The following IRAG1 variants were observed in gnomAD, a reference collection of about 807,000 sequenced individuals.
IRAG1 encodes the protein inositol 1,4,5-triphosphate receptor associated 1, also known as IP3R-associated cGMP kinase substrate.
A neutral mutation model predicts 106.2 loss-of-function variants in IRAG1; 62 were observed. The observed-to-expected ratio is 0.58, with a 90% CI of 0.48 to 0.72. The LOEUF (loss-of-function observed/expected upper bound fraction) is 0.72, where lower values mean the gene tolerates loss of function less well. IRAG1 is among the 30% of genes least tolerant of loss of function. The pLI, the probability that IRAG1 is intolerant of heterozygous loss-of-function variation, is 0.00. For missense variants in IRAG1, 1,064 were observed against 1,140.7 expected, an observed-to-expected ratio of 0.93 and a Z score of 0.97; for synonymous variants, 462 against 443.9, an observed-to-expected ratio of 1.04 and a Z score of -0.51.
rs561020408 is a variant in IRAG1, at chr11:10,639,483, G to A, written c.226-5412C>T. ...CAGACTCTGAGAAGGCTCGCCTTACGGAACTGTTCAACAGAAAGAAAACCA... is the reference window on the plus strand; with the variant it reads ...CAGACTCTGAGAAGGCTCGCCTTACAGAACTGTTCAACAGAAAGAAAACCA... On this transcript the variant is annotated intron_variant, in intron 2 of 20. Coordinates refer to ENST00000423302, the MANE Select transcript of IRAG1 (RefSeq NM_130385.4). Among the ~76,000 whole-genome samples the A allele has an allele frequency of 1.2e-4, 19 of 152,242 alleles. 1 individual carries two copies. The East Asian group carries it at 1.7e-3, about 14-fold the overall frequency.
At chr11:10,589,658 G>A (rs955662857) in intron 18 of IRAG1, among the ~76,000 whole-genome samples, 6 of 152,150 alleles carry the variant, frequency 3.9e-5, no homozygotes, top group Non-Finnish European at 5.9e-5. Flanking sequence ...TTCCTCTAAA[G>A]ATGCCCTCAC....
chr11:10,680,860 G>A lies in IRAG1; in HGVS notation c.67+12676C>T, dbSNP rs149735910. On this transcript the variant is annotated intron_variant, in intron 1 of 20. Transcript: ENST00000423302. Reference sequence around the variant, plus strand: ...TCTAATAAGGTCCTTGGGGCCGGGCGGGTTAGAGGGGGCAGTGAGAGGGAT... The same window carrying A: ...TCTAATAAGGTCCTTGGGGCCGGGCAGGTTAGAGGGGGCAGTGAGAGGGAT... Among the ~76,000 whole-genome samples the A allele has an allele frequency of 2.6e-3, 400 of 152,252 alleles. 2 individuals are homozygous for A. The highest frequency in any genetic ancestry group is 9.0e-3 in the African/African-American group (372 of 41,522).
At chr11:10,616,376 C>T (rs1418354144) in intron 10 of IRAG1, among the ~76,000 whole-genome samples, 3 of 151,634 alleles carry the variant, frequency 2.0e-5, no homozygotes, top group Admixed American at 2.0e-4. Context: ...TACACTAAAA[C>T]ATAGTGACAG....
intron 1 of IRAG1, among the ~76,000 whole-genome samples, chr11:10,676,611 G>A (rs1860696787): frequency 6.6e-6 from 1 of 152,186 alleles, no homozygotes; most frequent in African/African-American, 2.4e-5. Context: ...TTGCTGAAAG[G>A]AGAGGCTGGG....
intron 18 of IRAG1, among the ~76,000 whole-genome samples, chr11:10,585,461 G>C (rs1362845398): frequency 1.3e-4 from 20 of 151,422 alleles, no homozygotes. Context: ...GGAAACCAAG[G>C]CTCAAAAAGT....
At chr11:10,668,758 C>T (rs1452511870) in intron 1 of IRAG1, among the ~76,000 whole-genome samples, 2 of 152,210 alleles carry the variant, frequency 1.3e-5, no homozygotes, top group African/African-American at 4.8e-5. Context: ...AAGTCTTTCT[C>T]ATCTTTGTAT....
At chr11:10,623,588 G>T (rs1398939408) in intron 10 of IRAG1, among the ~76,000 whole-genome samples, 190 bp downstream of exon 10, 1 of 152,220 alleles carries the variant, frequency 6.6e-6, no homozygotes, top group Non-Finnish European at 1.5e-5. Context: ...AGCGAGGCCT[G>T]GGGGCTGGTT....
At chr11:10,588,262 ATGT>A (rs987254712) in intron 18 of IRAG1, among the ~76,000 whole-genome samples, 13 of 152,356 alleles carry the variant, frequency 8.5e-5, no homozygotes, top group African/African-American at 2.9e-4. Flanking sequence ...AAAGCCTGGA[ATGT>A]TGTTAACCTC....
chr11:10,619,769 G>GA (rs1296240134), intron 10 of IRAG1, among the ~76,000 whole-genome samples: 1 of 152,194 alleles, frequency 6.6e-6, no homozygotes, highest in Admixed American at 6.5e-5. Flanking sequence ...GAGAGAATTA[G>GA]AACCTTGACC....
intron 1 of IRAG1, among the ~76,000 whole-genome samples, chr11:10,685,489 G>A (rs1861601909): frequency 6.6e-6 from 1 of 151,576 alleles, no homozygotes; most frequent in South Asian, 2.1e-4. Flanking sequence ...TGAGGCAAGA[G>A]TATCACTTGA....
chr11:10,687,314 G>A (rs939830012), intron 1 of IRAG1, among the ~76,000 whole-genome samples: 1 of 152,232 alleles, frequency 6.6e-6, no homozygotes, highest in Non-Finnish European at 1.5e-5. Context: ...CTGATGGTGA[G>A]TTCTGAGAAG....
chr11:10,674,640 C>T (rs770922434), intron 1 of IRAG1, among the ~76,000 whole-genome samples: 1 of 152,226 alleles, frequency 6.6e-6, no homozygotes, highest in African/African-American at 2.4e-5. Context: ...CCAGACCTGG[C>T]GACCTGGCCC....
At position 10,626,578 on chromosome 11, in the gene IRAG1, G is replaced by A. The variant is rs1856259786; in HGVS notation, c.756C>T (p.Val252=). The A allele has an allele frequency of 6.3e-7, 1 of 1,599,180 alleles. No individual in the cohort carries two copies. The highest frequency in any genetic ancestry group is 8.5e-7 in the Non-Finnish European group (1 of 1,171,386). Residue 252 remains valine, a synonymous_variant, in exon 9 of 21, where the codon GTC becomes GTT. Coordinates refer to ENST00000423302, the MANE Select transcript of IRAG1 (RefSeq NM_130385.4). ...GCTTCCTGTCAGCTAGCCCTTTGGGGACGTTCTGAAAAAGACAAGGTAGAG... is the reference window on the plus strand; with the variant it reads ...GCTTCCTGTCAGCTAGCCCTTTGGGAACGTTCTGAAAAAGACAAGGTAGAG... ...VSSPHPGEPN[V]PKGLADRKQN...
At chr11:10,692,706 G>A (rs528067888) in intron 1 of IRAG1, among the ~76,000 whole-genome samples, 1 of 152,338 alleles carries the variant, frequency 6.6e-6, no homozygotes, top group African/African-American at 2.4e-5. Flanking sequence ...AGGCTGGAGT[G>A]CTGGCCAGGG....
rs1850797215 is a variant in IRAG1, at chr11:10,576,063, G to A, written c.*269C>T. On this transcript the variant is annotated 3_prime_UTR_variant, in exon 21 of 21. Transcript: ENST00000423302. ...CCCCAGCCACCTGAGCTAGGGGCAGGAGACCTTCCCTTCCAATAGAGTTCC... is the reference window on the plus strand; with the variant it reads ...CCCCAGCCACCTGAGCTAGGGGCAGAAGACCTTCCCTTCCAATAGAGTTCC... 2.2e-6 allele frequency: 1 copy of A among 463,590 alleles called. No homozygotes were observed. Among genetic ancestry groups the A allele is most frequent in the East Asian group, 3.9e-5 (1 of 25,810 alleles). 28.7% of individuals were successfully genotyped at this position (463,590 alleles called of 1,614,324 possible).
intron 13 of IRAG1, among the ~76,000 whole-genome samples, 182 bp from the exon 14 acceptor site, chr11:10,603,433 G>T (rs1172744363): frequency 6.6e-6 from 1 of 152,114 alleles, no homozygotes; most frequent in Non-Finnish European, 1.5e-5. Context: ...TATAAGGAGG[G>T]TACAACCTAG....
intron 20 of IRAG1, among the ~76,000 whole-genome samples, chr11:10,579,171 C>T (rs989249959): frequency 1.3e-5 from 2 of 152,196 alleles, no homozygotes. Context: ...GTTCTCCTAA[C>T]GGCTCTTCCC....
At chr11:10,595,224 C>G (rs1458669839) in intron 15 of IRAG1, among the ~76,000 whole-genome samples, 1 of 151,952 alleles carries the variant, frequency 6.6e-6, no homozygotes, top group Non-Finnish European at 1.5e-5. Flanking sequence ...CACACCTGGC[C>G]TGTTTTTTTC....
intron 10 of IRAG1, among the ~76,000 whole-genome samples, chr11:10,618,269 A>G (rs1276188272): frequency 6.6e-6 from 1 of 151,612 alleles, no homozygotes; most frequent in Non-Finnish European, 1.5e-5. Context: ...CCCTGACTCA[A>G]CCCCACTGAG....
Sources: allele counts gnomAD v4.1 joint callset (sites outside exome capture counted in the v4.1 genomes callset), GRCh38; gene constraint gnomAD v4.1.1; transcripts MANE v1.5; gene names NCBI Gene and HGNC (gene_info 2026-07-23, HGNC 2026-07-21).